The following PLEK2 variants were observed in gnomAD, a reference collection of about 807,000 sequenced individuals.
The protein encoded by PLEK2 is pleckstrin-2.
Under a neutral mutation model 43.8 loss-of-function variants are expected in PLEK2, and 29 were observed. The observed-to-expected ratio is 0.66, with a 90% CI of 0.49 to 0.90. The LOEUF (loss-of-function observed/expected upper bound fraction) is 0.90. Ranked by LOEUF, PLEK2 falls within the 40% of genes least tolerant of loss-of-function variation. PLEK2 has a pLI of 0.00. For synonymous variants in PLEK2, 162 were observed against 173.2 expected (o/e 0.94, Z 0.51); for missense variants, 398 against 448.1 (o/e 0.89, Z 1.01).
chr14:67,399,190 T>TTTAGGTGGTTC (rs1472628093), intron 1 of PLEK2, among the ~76,000 whole-genome samples: 1 of 151,240 alleles, frequency 6.6e-6, no homozygotes, highest in Non-Finnish European at 1.5e-5. Flanking sequence ...AGAAGGGTAG[T>TTTAGGTGGTTC]TTAGGTGGTT....
Position 67,387,257 on chromosome 14 carries a change from C to T in PLEK2, c.*72G>A. 1.4e-6 allele frequency: 2 copies of T among 1,466,016 alleles called. No homozygotes were observed. Among genetic ancestry groups the T allele is most frequent in the Non-Finnish European group, 1.9e-6 (2 of 1,078,012 alleles). The allele number at this position is 1,466,016 out of a possible 1,614,324, so 90.8% of individuals were successfully genotyped here. On this transcript the variant is annotated 3_prime_UTR_variant, in exon 9 of 9. Coordinates refer to ENST00000216446, the MANE Select transcript of PLEK2 (RefSeq NM_016445.3). ...TACAAAGAAGTCAAAAGTCTTAACA[C>T]TCCCATTCTCCAGGAACTCTTGTCT...
In PLEK2 at chr14:67,412,127, C is replaced by G. The variant is rs902646358; in HGVS notation, c.-68G>C. The stretch of plus-strand genomic sequence containing the variant: ...CGCGCCTCGCGCTCCTCGGCACCCG[C>G]GCAGCCCGCGCAGTCCGCGCCCACG... On this transcript the variant is annotated 5_prime_UTR_variant, in exon 1 of 9. Transcript: ENST00000216446. 7.5e-7 allele frequency: 1 copy of G among 1,334,458 alleles called. No homozygotes were observed. The highest frequency in any genetic ancestry group is 1.5e-5 in the African/African-American group (1 of 64,766). The allele number at this position is 1,334,458 out of a possible 1,614,324, so 82.7% of individuals were successfully genotyped here.
chr14:67,399,236 G>A (rs2086030844), intron 1 of PLEK2, among the ~76,000 whole-genome samples: 1 of 151,938 alleles, frequency 6.6e-6, no homozygotes, highest in African/African-American at 2.4e-5. Flanking sequence ...GGTAGTTTAG[G>A]TGGCTGTCAG....
At position 67,412,121 on chromosome 14, in the gene PLEK2, C is replaced by A; in HGVS notation, c.-62G>T. 7.1e-7 allele frequency: 1 copy of A among 1,410,728 alleles called. No homozygotes were observed. Among genetic ancestry groups the A allele is most frequent in the Non-Finnish European group, 9.3e-7 (1 of 1,074,224 alleles). The allele number at this position is 1,410,728 out of a possible 1,614,324, so 87.4% of individuals were successfully genotyped here. A position where few individuals can be genotyped will look rare whatever the true frequency, so the allele number is the denominator to read the frequency against. On this transcript the variant is annotated 5_prime_UTR_variant, in exon 1 of 9. Transcript: ENST00000216446. ...CTTCCCCGCGCCTCGCGCTCCTCGG[C>A]ACCCGCGCAGCCCGCGCAGTCCGCG...
intron 1 of PLEK2, among the ~76,000 whole-genome samples, chr14:67,407,859 G>T (rs1056766756): frequency 1.3e-5 from 2 of 152,188 alleles, no homozygotes; most frequent in African/African-American, 4.8e-5. Context: ...TGTAGTCCCA[G>T]CTACTTGGGA....
intron 1 of PLEK2, among the ~76,000 whole-genome samples, chr14:67,409,665 T>C (rs2086104145): frequency 6.6e-6 from 1 of 152,110 alleles, no homozygotes; most frequent in Non-Finnish European, 1.5e-5. Flanking sequence ...TTCTTTCTCG[T>C]CTGGGTGGGA....
intron 1 of PLEK2, among the ~76,000 whole-genome samples, chr14:67,401,933 G>A (rs531022821): frequency 1.3e-5 from 2 of 152,102 alleles, no homozygotes; most frequent in African/African-American, 4.8e-5. Context: ...GAGTTCGAGA[G>A]CAGTCTGGCC....
chr14:67,402,247 G>A (rs1406481664), intron 1 of PLEK2, among the ~76,000 whole-genome samples: 2 of 152,170 alleles, frequency 1.3e-5, no homozygotes, highest in African/African-American at 2.4e-5. Context: ...TTCCATGCAT[G>A]GGGCATTGAT....
intron 2 of PLEK2, among the ~76,000 whole-genome samples, chr14:67,396,170 C>T (rs1051403323): frequency 5.3e-5 from 8 of 151,466 alleles, no homozygotes; most frequent in Admixed American, 3.3e-4. Flanking sequence ...TTTCTTGAGA[C>T]GGAGTCTTGC....
chr14:67,387,543 T>C, intron 8 of PLEK2, 87 bp from the exon 9 acceptor site: 4 of 1,340,424 alleles, frequency 3.0e-6, no homozygotes, highest in Non-Finnish European at 4.1e-6. Flanking sequence ...AACTGAGACA[T>C]GGACAAAAAC....
intron 1 of PLEK2, among the ~76,000 whole-genome samples, chr14:67,402,975 T>G (rs1039490750): frequency 2.0e-5 from 3 of 152,232 alleles, no homozygotes; most frequent in African/African-American, 7.2e-5. Context: ...GCTCTATTTA[T>G]ATTTTTTTGA....
Position 67,393,068 on chromosome 14 carries a change from A to G in PLEK2, c.481+82T>C. ...CAGCAGGCAGCTCTGACCTCAATAC[A>G]GGGCGGTCAAGCACACAGCTGAGCC... is the stretch of plus-strand genomic sequence containing the variant. On this transcript the variant is annotated intron_variant, in intron 4 of 8. Transcript: ENST00000216446. 2.7e-6 allele frequency: 3 copies of G among 1,111,540 alleles called. No homozygotes were observed. In the Admixed American group the frequency reaches 5.1e-5, roughly 19 times the overall value. 68.9% of individuals were successfully genotyped at this position (1,111,540 alleles called of 1,614,324 possible).
chr14:67,389,871 C>T (rs2085954512), intron 7 of PLEK2, among the ~76,000 whole-genome samples: 1 of 151,764 alleles, frequency 6.6e-6, no homozygotes, highest in East Asian at 1.9e-4. Context: ...TGAACTCCAT[C>T]CTGTAGCCAG....
In PLEK2 at chr14:67,390,827, C is replaced by T. The variant is rs1020956828; in HGVS notation, c.772-81G>A. On this transcript the variant is annotated intron_variant, in intron 6 of 8. Transcript: ENST00000216446. ...CTGTATCTATGCATGTAATGCCAAA[C>T]CCCCAACAAGCCAGCCCGCTCCAAT... 4.0e-6 allele frequency: 4 copies of T among 997,016 alleles called. No homozygotes were observed. The African/African-American group carries it at 4.8e-5, about 12-fold the overall frequency. The allele number at this position is 997,016 out of a possible 1,614,324, so 61.8% of individuals were successfully genotyped here. A position where few individuals can be genotyped will look rare whatever the true frequency, so the allele number is the denominator to read the frequency against.
chr14:67,411,557 C>G lies in PLEK2; in HGVS notation c.42+461G>C, dbSNP rs577735286. On this transcript the variant is annotated intron_variant, in intron 1 of 8. Coordinates refer to ENST00000216446, the MANE Select transcript of PLEK2 (RefSeq NM_016445.3). ...AACTCCTCTGGGCTTCGTTTTCCCCCTTGATGAAAGCAGGGCTGCTGGGAG... is the reference window on the plus strand; with the variant it reads ...AACTCCTCTGGGCTTCGTTTTCCCCGTTGATGAAAGCAGGGCTGCTGGGAG... 1.9e-4 allele frequency among the ~76,000 whole-genome samples: 29 copies of G among 152,258 alleles called. No homozygotes were observed. In the South Asian group the frequency reaches 6.0e-3, roughly 32 times the overall value.
intron 7 of PLEK2, among the ~76,000 whole-genome samples, chr14:67,388,765 T>C (rs569675873): frequency 6.6e-6 from 1 of 152,242 alleles, no homozygotes; most frequent in East Asian, 1.9e-4. Context: ...CTGCAACCTC[T>C]GCCTCCCAGG....
intron 1 of PLEK2, among the ~76,000 whole-genome samples, chr14:67,406,597 G>T (rs2086081074): frequency 6.6e-6 from 1 of 152,176 alleles, no homozygotes. Flanking sequence ...AGTCCTTGGA[G>T]GATTTTAAGC....
chr14:67,395,541 G>A lies in PLEK2; in HGVS notation c.250C>T (p.Leu84=). 6.2e-7 allele frequency: 1 copy of A among 1,614,176 alleles called. No homozygotes were observed. The highest frequency in any genetic ancestry group is 1.6e-4 in the Middle Eastern group (1 of 6,062). ...CGCTCCTCTCGAGAACAGGCCTCCA[G>A]GAAGTACTCCGTGGATGTTTGAGTC... ...LKTQTSTEYF[L]EACSREERDA... is the part of the protein sequence containing the mutation. The change falls in exon 3 of 9, where the codon CTG becomes TTG. Residue 84 remains leucine (L), a synonymous_variant. Transcript: ENST00000216446.
At position 67,388,175 on chromosome 14, in the gene PLEK2, G is replaced by C. The variant is rs761308701; in HGVS notation, c.934+49C>G. On this transcript the variant is annotated intron_variant, in intron 8 of 8. Transcript: ENST00000216446. ...ATTAGTGGGACATTACTGAGGTGCA[G>C]GAGGGAGGCCCCTGAGATCTTCAGG... is the stretch of plus-strand genomic sequence containing the variant. 2.7e-5 allele frequency: 33 copies of C among 1,204,738 alleles called. 2 individuals carry two copies. The East Asian group carries it at 7.7e-4, about 28-fold the overall frequency. 74.6% of individuals were successfully genotyped at this position (1,204,738 alleles called of 1,614,324 possible).
Sources: gnomAD v4.1 joint callset for allele counts (sites outside exome capture counted in the v4.1 genomes callset) on GRCh38, gnomAD v4.1.1 for gene constraint, MANE v1.5 for transcripts, NCBI Gene and HGNC (gene_info 2026-07-23, HGNC 2026-07-21) for gene names.